The following LIN9 variants were observed in gnomAD, a reference collection of about 807,000 sequenced individuals.
The protein encoded by LIN9 is protein lin-9 homolog.
LIN9 carries 18 observed loss-of-function variants against 78.0 expected under a neutral mutation model. The ratio of observed to expected loss-of-function variants is 0.23; its 90% CI spans 0.16 to 0.34. The LOEUF (loss-of-function observed/expected upper bound fraction) is 0.34, where lower values mean the gene tolerates loss of function less well. LIN9 is among the 10% of genes least tolerant of loss of function. LIN9 has a pLI of 1.00. For missense variants in LIN9, 451 were observed against 644.1 expected (o/e 0.70, Z 3.25); for synonymous variants, 192 against 215.2 (o/e 0.89, Z 0.94).
intron 7 of LIN9, among the ~76,000 whole-genome samples, chr1:226,274,575 T>C (rs934747523): frequency 1.3e-5 from 2 of 152,206 alleles, no homozygotes; most frequent in Non-Finnish European, 2.9e-5. Context: ...CATAAAATAA[T>C]GTCCCCTCTC....
At chr1:226,287,238 G>A (rs1022032665) in intron 5 of LIN9, among the ~76,000 whole-genome samples, 2 of 152,116 alleles carry the variant, frequency 1.3e-5, no homozygotes, top group South Asian at 4.1e-4. Flanking sequence ...TATACCTAGC[G>A]TGCTTAAGTA....
intron 10 of LIN9, among the ~76,000 whole-genome samples, chr1:226,262,072 A>G (rs951869119): frequency 3.9e-5 from 6 of 152,234 alleles, no homozygotes; most frequent in Non-Finnish European, 7.3e-5. Context: ...ACAACTGGAC[A>G]TCCACAAACA....
chr1:226,267,859 A>G lies in LIN9; in HGVS notation c.816+98T>C, dbSNP rs188705524. 295 of 1,264,296 alleles carry G rather than the reference A, an allele frequency of 2.3e-4. 2 individuals carry two copies. In the African/African-American group the frequency reaches 4.1e-3, roughly 17 times the overall value. 78.3% of individuals were successfully genotyped at this position (1,264,296 alleles called of 1,614,324 possible). A position where few individuals can be genotyped will look rare whatever the true frequency, so the allele number is the denominator to read the frequency against. ...CTAAGGATCTCTTCCTCTGTGAGAT[A>G]AAGTCTTGATTCTATCATAAAATAC... is the stretch of plus-strand genomic sequence containing the variant. On this transcript the variant is annotated intron_variant, in intron 8 of 14. Coordinates refer to ENST00000681046, the MANE Select transcript of LIN9 (RefSeq NM_001366245.2).
chr1:226,239,128 G>A, intron 11 of LIN9, 32 bp from the exon 12 acceptor site: 1 of 1,605,620 alleles, frequency 6.2e-7, no homozygotes. Context: ...ATCTTGGTAA[G>A]AGTTTGTTTT....
chr1:226,294,824 G>C (rs1396982850), intron 4 of LIN9, among the ~76,000 whole-genome samples: 2 of 149,424 alleles, frequency 1.3e-5, no homozygotes, highest in African/African-American at 4.9e-5. Flanking sequence ...TTTTGAGACA[G>C]AGTCTTGCTC....
chr1:226,309,728 C>T, upstream of LIN9: 1 of 1,287,780 alleles, frequency 7.8e-7, no homozygotes. Flanking sequence ...GGGACTCGGT[C>T]CCAGCGGCCC....
At chr1:226,261,340 A>T (rs940810347) in intron 10 of LIN9, among the ~76,000 whole-genome samples, 13 of 152,058 alleles carry the variant, frequency 8.5e-5, no homozygotes, top group African/African-American at 2.9e-4. Context: ...GAAAAAAACA[A>T]CTATCTGTTT....
chr1:226,282,230 TCCC>T (rs955768622), intron 6 of LIN9, among the ~76,000 whole-genome samples: 34 of 152,228 alleles, frequency 2.2e-4, no homozygotes, highest in Non-Finnish European at 4.6e-4. Context: ...CTATAATCAT[TCCC>T]CCATTTATGG....
At chr1:226,293,232 G>A (rs1191854167) in intron 4 of LIN9, among the ~76,000 whole-genome samples, 1 of 152,176 alleles carries the variant, frequency 6.6e-6, no homozygotes, top group Non-Finnish European at 1.5e-5. Flanking sequence ...ACTTGAAGAA[G>A]TCTCATATCA....
chr1:226,309,456 C>G, upstream of LIN9: 2 of 1,094,778 alleles, frequency 1.8e-6, no homozygotes, highest in Non-Finnish European at 2.3e-6. Flanking sequence ...TCCGGAGTCC[C>G]GCCCGGGCCC....
intron 10 of LIN9, among the ~76,000 whole-genome samples, chr1:226,253,959 G>A (rs996081946): frequency 2.0e-5 from 3 of 152,046 alleles, no homozygotes; most frequent in Admixed American, 6.6e-5. Flanking sequence ...GCCGGGTGTG[G>A]TAGCTTATAG....
chr1:226,240,814 A>G (rs145305085), intron 11 of LIN9, among the ~76,000 whole-genome samples: 205 of 152,304 alleles, frequency 1.3e-3, no homozygotes, highest in African/African-American at 4.6e-3. Context: ...CCTCCCAAGT[A>G]GCTTGGACTA....
intron 7 of LIN9, among the ~76,000 whole-genome samples, chr1:226,269,705 G>T (rs1660145737): frequency 6.6e-6 from 1 of 152,110 alleles, no homozygotes; most frequent in African/African-American, 2.4e-5. Context: ...CCATAAAAGG[G>T]CGGAAATAAG....
At chr1:226,287,643 A>T (rs370453689) in intron 5 of LIN9, 21 bp downstream of exon 5, 1 of 1,474,504 alleles carries the variant, frequency 6.8e-7, no homozygotes, top group Non-Finnish European at 9.1e-7. Flanking sequence ...TAATATTCAT[A>T]ATATAAGCCA....
intron 6 of LIN9, among the ~76,000 whole-genome samples, chr1:226,282,027 T>C (rs936037160): frequency 1.3e-5 from 2 of 152,188 alleles, no homozygotes; most frequent in African/African-American, 4.8e-5. Flanking sequence ...GTTGACACCT[T>C]AGACATATAC....
chr1:226,232,627 G>GTTAA, intron 14 of LIN9, 21 bp from the exon 15 acceptor site: 3 of 1,434,764 alleles, frequency 2.1e-6, no homozygotes, highest in Non-Finnish European at 2.9e-6. Context: ...AAGAAACATG[G>GTTAA]TTAACTACTT....
chr1:226,277,678 A>G (rs1660754970), intron 7 of LIN9, 97 bp downstream of exon 7: 1 of 1,063,408 alleles, frequency 9.4e-7, no homozygotes, highest in Non-Finnish European at 1.4e-6. Context: ...ATTTCTTGGT[A>G]ATTAAAAATG....
intron 11 of LIN9, among the ~76,000 whole-genome samples, chr1:226,243,413 G>T (rs1312667680): frequency 6.6e-6 from 1 of 152,146 alleles, no homozygotes; most frequent in African/African-American, 2.4e-5. Context: ...GTCTGCCCTT[G>T]GCCGGGCATG....
At chr1:226,308,109 C>T (rs1243523538) in intron 1 of LIN9, among the ~76,000 whole-genome samples, 1 of 152,136 alleles carries the variant, frequency 6.6e-6, no homozygotes. Flanking sequence ...AGTAATTGAG[C>T]CTTTCACAAA....
Sources: allele counts gnomAD v4.1 joint callset (sites outside exome capture counted in the v4.1 genomes callset), GRCh38; gene constraint gnomAD v4.1.1; transcripts MANE v1.5; gene names NCBI Gene and HGNC (gene_info 2026-07-23, HGNC 2026-07-21).